RHOBTB3: variants seen among roughly 807,000 people sequenced by gnomAD.
The protein encoded by RHOBTB3 is rho-related BTB domain-containing protein 3.
A neutral mutation model predicts 67.2 loss-of-function variants in RHOBTB3; 47 were observed. The ratio of observed to expected loss-of-function variants is 0.70; its 90% CI spans 0.55 to 0.89. The LOEUF (loss-of-function observed/expected upper bound fraction) is 0.89. RHOBTB3 is among the 40% of genes least tolerant of loss of function. The probability of loss-of-function intolerance (pLI) is 0.00; values close to 1 mark genes in which losing one functional copy is unlikely to be tolerated. For missense variants in RHOBTB3, 631 were observed against 750.0 expected, an observed-to-expected ratio of 0.84 and a Z score of 1.85; for synonymous variants, 273 against 274.2, an observed-to-expected ratio of 1.00 and a Z score of 0.04.
chr5:95,792,975 A>G, intron 11 of RHOBTB3, 84 bp from the exon 12 acceptor site: 1 of 914,620 alleles, frequency 1.1e-6, no homozygotes, highest in Admixed American at 2.1e-5. Context: ...GATCTCATCT[A>G]TTAAAGAGGA....
chr5:95,785,434 AC>A (rs1746195327), intron 10 of RHOBTB3, among the ~76,000 whole-genome samples: 2 of 143,340 alleles, frequency 1.4e-5, no homozygotes, highest in East Asian at 4.0e-4. Flanking sequence ...TACTAAAAAT[AC>A]AAAAAAAAAT....
rs1484674144 is a variant in RHOBTB3 at position 95,748,423 on chromosome 5, G to A, written c.506G>A (p.Gly169Glu). Residue 169 changes from glycine (G) to glutamate (E), a missense_variant, in exon 4 of 12, where the codon GGA (glycine) becomes GAA (glutamate). Transcript: ENST00000379982. ...GGGATCCAACTTGCAAAAGAACTAG[G>A]AGCGACCTATCTTGAACTCCACAGC... Reference protein sequence around the residue: ...TEGIQLAKELGATYLELHSLD... With the variant: ...TEGIQLAKELEATYLELHSLD... 6.2e-7 allele frequency: 1 copy of A among 1,613,658 alleles called. No individual in the cohort carries two copies. The highest frequency in any genetic ancestry group is 1.7e-5 in the Admixed American group (1 of 60,014).
chr5:95,787,514 T>A (rs1746258979), intron 10 of RHOBTB3, among the ~76,000 whole-genome samples: 1 of 152,168 alleles, frequency 6.6e-6, no homozygotes, highest in Non-Finnish European at 1.5e-5. Flanking sequence ...TACTAATCTT[T>A]CTTCAATTTA....
At chr5:95,777,724 G>T (rs1340257665) in intron 8 of RHOBTB3, among the ~76,000 whole-genome samples, 1 of 152,188 alleles carries the variant, frequency 6.6e-6, no homozygotes, top group African/African-American at 2.4e-5. Context: ...CAAAACAGTA[G>T]TTTAAAGAGG....
At chr5:95,759,166 G>C (rs2112804409) in intron 6 of RHOBTB3, among the ~76,000 whole-genome samples, 1 of 152,338 alleles carries the variant, frequency 6.6e-6, no homozygotes, top group South Asian at 2.1e-4. Flanking sequence ...TCTTCAACCA[G>C]TTCAGAGTCC....
chr5:95,767,719 G>GT, intron 7 of RHOBTB3: 1 of 654,532 alleles, frequency 1.5e-6, no homozygotes, highest in East Asian at 2.7e-5. Context: ...GTAGGCATTT[G>GT]TATGGAGTTG....
At chr5:95,732,225 C>T in intron 2 of RHOBTB3, 141 bp downstream of exon 2, 1 of 754,304 alleles carries the variant, frequency 1.3e-6, no homozygotes, top group Non-Finnish European at 2.3e-6. Flanking sequence ...TTGAGAAAAT[C>T]TTTGGTCCTT....
chr5:95,733,939 G>A (rs768556665), intron 2 of RHOBTB3, among the ~76,000 whole-genome samples: 4 of 152,164 alleles, frequency 2.6e-5, no homozygotes, highest in African/African-American at 9.7e-5. Context: ...TTTCAGGTCT[G>A]TGTGTCCTTG....
At chr5:95,784,540 C>T (rs1416376018) in intron 10 of RHOBTB3, among the ~76,000 whole-genome samples, 1 of 151,992 alleles carries the variant, frequency 6.6e-6, no homozygotes, top group Non-Finnish European at 1.5e-5. Flanking sequence ...TCTTCTGGGC[C>T]TCTTGTAAGC....
At chr5:95,786,096 A>C (rs1236609341) in intron 10 of RHOBTB3, among the ~76,000 whole-genome samples, 1 of 152,190 alleles carries the variant, frequency 6.6e-6, no homozygotes, top group Non-Finnish European at 1.5e-5. Flanking sequence ...GCCTAAATTT[A>C]CCAGTTTTCC....
At chr5:95,776,226 G>GTGAA (rs1163643239) in intron 8 of RHOBTB3, among the ~76,000 whole-genome samples, 4 of 151,992 alleles carry the variant, frequency 2.6e-5, no homozygotes, top group Non-Finnish European at 5.9e-5. Flanking sequence ...GGCCAACATG[G>GTGAA]TGAAACCCCA....
At position 95,788,819 on chromosome 5, in the gene RHOBTB3, C is replaced by T; in HGVS notation, c.1681C>T (p.Leu561Phe). 6.4e-7 allele frequency: 1 copy of T among 1,573,500 alleles called. No individual in the cohort carries two copies. Among genetic ancestry groups the T allele is most frequent in the Non-Finnish European group, 8.6e-7 (1 of 1,166,446 alleles). The change falls in exon 11 of 12, where the codon CTC becomes TTC. Residue 561 changes from leucine (L) to phenylalanine (F), a missense_variant. By Grantham distance (22) the Leu-to-Phe change is conservative. Coordinates refer to ENST00000379982, the MANE Select transcript of RHOBTB3 (RefSeq NM_014899.4). ...ACTTCATTTCATTGCTACTAACTAC[C>T]TCATCTTCAGTCAAAAGCCTGAATT... is the stretch of plus-strand genomic sequence containing the variant. ...WLLHFIATNYLIFSQKPEFQD... is the reference protein window; with the variant it reads ...WLLHFIATNYFIFSQKPEFQD...
chr5:95,726,925 C>T (rs1421864643), upstream of RHOBTB3, among the ~76,000 whole-genome samples: 1 of 152,128 alleles, frequency 6.6e-6, no homozygotes, highest in Admixed American at 6.5e-5. Flanking sequence ...AGCATCAATC[C>T]CAACATTAAC....
At chr5:95,722,837 G>T (rs1754930796) in intron 1 of RHOBTB3, among the ~76,000 whole-genome samples, 1 of 152,170 alleles carries the variant, frequency 6.6e-6, no homozygotes, top group African/African-American at 2.4e-5. Context: ...CATATTAAAG[G>T]CCAGATTACC....
At chr5:95,743,449 C>T (rs1755657027) in intron 3 of RHOBTB3, among the ~76,000 whole-genome samples, 1 of 151,974 alleles carries the variant, frequency 6.6e-6, no homozygotes, top group Admixed American at 6.6e-5. Flanking sequence ...CATTGTTGAG[C>T]AGGGAGCACT....
chr5:95,735,648 G>C (rs558224797), intron 2 of RHOBTB3, among the ~76,000 whole-genome samples: 1 of 152,250 alleles, frequency 6.6e-6, no homozygotes, highest in Non-Finnish European at 1.5e-5. Flanking sequence ...TTACATCCTA[G>C]AAATGTGTAC....
chr5:95,748,617 AGAGT>A (rs1305490915), intron 4 of RHOBTB3, 130 bp downstream of exon 4: 14 of 545,314 alleles, frequency 2.6e-5, no homozygotes, highest in Non-Finnish European at 3.8e-5. Context: ...AAATAAAATG[AGAGT>A]GAGTGGCAAA....
In RHOBTB3 at chr5:95,724,027, C is replaced by T. The variant is rs117001054; in HGVS notation, n.133+6262C>T. ...ATAGTTTAATGTATTAATGGTGATA[C>T]GTCATTTGATAACGATACATACATT... On this transcript the variant is annotated intron_variant and non_coding_transcript_variant, in intron 1 of 5. Coordinates refer to the RHOBTB3 transcript ENST00000504949. Among the ~76,000 whole-genome samples, 251 of 152,230 alleles carry T rather than the reference C, an allele frequency of 1.6e-3. 10 individuals carry two copies. In the East Asian group the frequency reaches 0.041, roughly 25 times the overall value.
intron 6 of RHOBTB3, among the ~76,000 whole-genome samples, chr5:95,759,802 AC>A (rs1745345487): frequency 6.6e-6 from 1 of 152,190 alleles, no homozygotes; most frequent in African/African-American, 2.4e-5. Context: ...ATGCTAGAGA[AC>A]CATTGAAGAC....
Sources: allele counts gnomAD v4.1 joint callset (sites outside exome capture counted in the v4.1 genomes callset), GRCh38; gene constraint gnomAD v4.1.1; transcripts MANE v1.5; gene names NCBI Gene and HGNC (gene_info 2026-07-23, HGNC 2026-07-21).